Variants in IL10RB observed in about 807,000 individuals in gnomAD.
The protein encoded by IL10RB is interleukin-10 receptor subunit beta.
Under a neutral mutation model 38.7 loss-of-function variants are expected in IL10RB, and 30 were observed. That is an observed-to-expected ratio of 0.78 (90% CI 0.58 to 1.05). The LOEUF is 1.05. Among genes scored for constraint, IL10RB ranks in the 50% least tolerant of loss-of-function variants. IL10RB has a pLI of 0.00. For synonymous variants in IL10RB, 142 were observed against 145.9 expected (o/e 0.97, Z 0.19); for missense variants, 328 against 397.1 (o/e 0.83, Z 1.48).
intron 6 of IL10RB, 120 bp downstream of exon 6, chr21:33,288,381 GCACACACACACA>G: frequency 1.8e-6 from 1 of 548,428 alleles, no homozygotes; most frequent in Non-Finnish European, 3.3e-6. Flanking sequence ...ACGCGCGCGC[GCACACACACACA>G]CACACACACA....
chr21:33,283,029 GAA>G (rs373396776), intron 4 of IL10RB, 63 bp from the exon 5 acceptor site: 126 of 1,046,400 alleles, frequency 1.2e-4, no homozygotes, highest in African/African-American at 1.7e-4. Flanking sequence ...TGATAAATGT[GAA>G]AAAAAAAAAG....
At chr21:33,294,766 G>A (rs180855815) in intron 6 of IL10RB, among the ~76,000 whole-genome samples, 1 of 152,340 alleles carries the variant, frequency 6.6e-6, no homozygotes, top group Admixed American at 6.5e-5. Context: ...AAGATGCAAA[G>A]CTTTACAGAA....
rs911014085 is a variant in IL10RB, at chr21:33,296,268, G to A, written c.889G>A (p.Val297Ile). Residue 297 changes from valine (V) to isoleucine (I), a missense_variant, in exon 7 of 7, where the codon GTC becomes ATC. Physicochemically the swap from Val to Ile is conservative, Grantham distance 29 (BLOSUM62 3). Transcript: ENST00000290200. Reference protein sequence around the residue: ...DENDVFDKLSVIAEDSESGKQ... With the variant: ...DENDVFDKLSIIAEDSESGKQ... ...GAATGATGTTTTTGACAAGCTAAGTGTCATTGCAGAAGACTCTGAGAGCGG... is the reference window on the plus strand; with the variant it reads ...GAATGATGTTTTTGACAAGCTAAGTATCATTGCAGAAGACTCTGAGAGCGG... 5.6e-6 allele frequency: 9 copies of A among 1,614,082 alleles called. 1 individual carries two copies. The highest frequency in any genetic ancestry group is 3.4e-6 in the Non-Finnish European group (4 of 1,179,976).
intron 5 of IL10RB, among the ~76,000 whole-genome samples, chr21:33,286,169 G>A (rs939143046): frequency 4.6e-5 from 7 of 152,186 alleles, no homozygotes; most frequent in Admixed American, 3.9e-4. Context: ...TCCCTCAGAC[G>A]TTTAAGGAGT....
At chr21:33,293,692 A>G (rs1989533328) in intron 6 of IL10RB, among the ~76,000 whole-genome samples, 1 of 152,134 alleles carries the variant, frequency 6.6e-6, no homozygotes, top group Admixed American at 6.6e-5. Context: ...CTGTAATCCC[A>G]GCTACTCAGG....
At chr21:33,301,593 C>A (rs1432347340), downstream of IL10RB, among the ~76,000 whole-genome samples, 6 of 152,224 alleles carry the variant, frequency 3.9e-5, no homozygotes, top group Non-Finnish European at 7.3e-5. Context: ...GGCCTGCCTG[C>A]TACTGGGCTG....
In IL10RB at chr21:33,288,374, C is replaced by CGT; in HGVS notation, c.804+114_804+115insTG. The stretch of plus-strand genomic sequence containing the variant: ...CATGTTTTCCAGGAAAACACACACG[C>CGT]GCGCGCGCACACACACACACACACA... On this transcript the variant is annotated intron_variant, in intron 6 of 6. Coordinates refer to ENST00000290200, the MANE Select transcript of IL10RB (RefSeq NM_000628.5). 4.6e-6 allele frequency: 3 copies of CGT among 652,484 alleles called. No individual in the cohort carries two copies. The South Asian group carries it at 4.8e-5, about 10-fold the overall frequency. 40.4% of individuals were successfully genotyped at this position (652,484 alleles called of 1,614,324 possible). A position where few individuals can be genotyped will look rare whatever the true frequency, so the allele number is the denominator to read the frequency against.
chr21:33,276,528 G>T, intron 2 of IL10RB, 68 bp from the exon 3 acceptor site: 6 of 1,286,562 alleles, frequency 4.7e-6, no homozygotes, highest in Non-Finnish European at 5.7e-6. Context: ...TCCAAATTAA[G>T]TACCAGTCAG....
intron 2 of IL10RB, among the ~76,000 whole-genome samples, chr21:33,275,492 C>G (rs1989154765): frequency 6.6e-6 from 1 of 152,158 alleles, no homozygotes; most frequent in South Asian, 2.1e-4. Context: ...CCTCTTTAAG[C>G]CTTCACAGAA....
chr21:33,269,885 C>T (rs1162669376), intron 2 of IL10RB, among the ~76,000 whole-genome samples: 1 of 152,130 alleles, frequency 6.6e-6, no homozygotes. Context: ...GTCACTATCT[C>T]CTGACCTCAT....
downstream of IL10RB, among the ~76,000 whole-genome samples, chr21:33,301,393 A>C (rs1428255875): frequency 6.6e-6 from 1 of 152,224 alleles, no homozygotes; most frequent in Non-Finnish European, 1.5e-5. Context: ...TTGGGCTGGC[A>C]CTTTACGAGG....
At chr21:33,282,640 G>A (rs1299911844) in intron 4 of IL10RB, among the ~76,000 whole-genome samples, 1 of 152,136 alleles carries the variant, frequency 6.6e-6, no homozygotes, top group Non-Finnish European at 1.5e-5. Flanking sequence ...GGAGTGCAGT[G>A]TGGGGTGATC....
At chr21:33,299,096 AC>A (rs1380692502), downstream of IL10RB, among the ~76,000 whole-genome samples, 6 of 152,040 alleles carry the variant, frequency 3.9e-5, no homozygotes, top group African/African-American at 1.4e-4. Flanking sequence ...CTTGCCCCAA[AC>A]CCGGAAACCC....
intron 3 of IL10RB, among the ~76,000 whole-genome samples, chr21:33,278,279 C>T (rs944754806): frequency 6.6e-5 from 10 of 152,036 alleles, no homozygotes; most frequent in Admixed American, 1.3e-4. Context: ...GCTCTGGACC[C>T]CCATGACCCC....
At position 33,279,925 on chromosome 21, in the gene IL10RB, T is replaced by C. The variant is rs933069400; in HGVS notation, c.498+7T>C. On this transcript the variant is annotated splice_region_variant and intron_variant, in intron 4 of 6. Transcript: ENST00000290200. ...AAACGGTACTGATGAAAAGGTAAGG[T>C]TGGCTAATTGCATTTCAGAGGTAGT... 6.2e-7 allele frequency: 1 copy of C among 1,612,200 alleles called. No homozygotes were observed. Among genetic ancestry groups the C allele is most frequent in the Non-Finnish European group, 8.5e-7 (1 of 1,178,438 alleles).
intron 2 of IL10RB, among the ~76,000 whole-genome samples, chr21:33,272,383 G>T (rs949403275): frequency 6.6e-6 from 1 of 152,080 alleles, no homozygotes; most frequent in Non-Finnish European, 1.5e-5. Context: ...GGCACCAGAA[G>T]ATGTCTTGGG....
intron 6 of IL10RB, 120 bp downstream of exon 6, chr21:33,288,381 G>GCACA (rs59480844): frequency 4.7e-4 from 256 of 548,726 alleles, no homozygotes; most frequent in African/African-American, 2.0e-3. Flanking sequence ...ACGCGCGCGC[G>GCACA]CACACACACA....
At chr21:33,303,082 C>A (rs1291520726) in intron 1 of IL10RB, among the ~76,000 whole-genome samples, 2 of 152,180 alleles carry the variant, frequency 1.3e-5, no homozygotes, top group Non-Finnish European at 2.9e-5. Flanking sequence ...TCAACTAAGG[C>A]CTCCTTATTC....
At chr21:33,294,672 T>C (rs1989556056) in intron 6 of IL10RB, among the ~76,000 whole-genome samples, 2 of 152,162 alleles carry the variant, frequency 1.3e-5, no homozygotes, top group African/African-American at 4.8e-5. Flanking sequence ...GTAGTGGAGC[T>C]ACCCTCAGGT....
Sources: allele counts gnomAD v4.1 joint callset (sites outside exome capture counted in the v4.1 genomes callset), GRCh38; gene constraint gnomAD v4.1.1; transcripts MANE v1.5; gene names NCBI Gene and HGNC (gene_info 2026-07-23, HGNC 2026-07-21).